Variants in MANBA observed in about 807,000 individuals in gnomAD.
MANBA encodes the protein mannosidase beta.
MANBA carries 83 observed loss-of-function variants against 111.1 expected under a neutral mutation model. The ratio of observed to expected loss-of-function variants is 0.75; its 90% CI spans 0.63 to 0.90. The LOEUF is 0.90. MANBA is among the 40% of genes least tolerant of loss of function. MANBA has a pLI of 0.00. For missense variants in MANBA, 1,036 were observed against 1,069.0 expected (o/e 0.97, Z 0.43); for synonymous variants, 370 against 378.7 (o/e 0.98, Z 0.27).
intron 8 of MANBA, among the ~76,000 whole-genome samples, chr4:102,673,024 C>T (rs1363133528): frequency 6.6e-6 from 1 of 151,878 alleles, no homozygotes; most frequent in Non-Finnish European, 1.5e-5. Flanking sequence ...ATTTTTTTAA[C>T]CTATATTCCT....
chr4:102,720,307 C>T lies in MANBA; in HGVS notation c.549+2564G>A, dbSNP rs186639269. Among the ~76,000 whole-genome samples, 36 of 152,096 alleles carry T rather than the reference C, an allele frequency of 2.4e-4. No homozygotes were observed. The East Asian group carries it at 5.8e-3, about 25-fold the overall frequency. ...AAAATTAGCCGGGCATGGTGGCAGG[C>T]GCCTGTAGTCCTAGCTACTTGGGAG... On this transcript the variant is annotated intron_variant, in intron 4 of 16. Coordinates refer to ENST00000647097, the MANE Select transcript of MANBA (RefSeq NM_005908.4).
chr4:102,657,236 G>GGGGA (rs1730603715), intron 12 of MANBA, among the ~76,000 whole-genome samples: 1 of 94,642 alleles, frequency 1.1e-5, no homozygotes, highest in Non-Finnish European at 2.2e-5. Flanking sequence ...GGGGGGGTGG[G>GGGGA]CGGTGGTAAT....
chr4:102,698,334 TTG>T (rs1172315638), intron 5 of MANBA, among the ~76,000 whole-genome samples: 1 of 151,504 alleles, frequency 6.6e-6, no homozygotes, highest in Admixed American at 6.6e-5. Context: ...GTAGTTTCTT[TTG>T]CTGTGCAGAA....
chr4:102,682,281 T>C (rs1344283664), intron 7 of MANBA, among the ~76,000 whole-genome samples: 4 of 151,714 alleles, frequency 2.6e-5, no homozygotes, highest in Non-Finnish European at 4.4e-5. Flanking sequence ...ACCAAACACA[T>C]AGTTAAAACT....
intron 16 of MANBA, 55 bp from the exon 17 acceptor site, chr4:102,632,336 G>C (rs927265128): frequency 1.0e-4 from 137 of 1,331,982 alleles, no homozygotes; most frequent in Non-Finnish European, 1.0e-4. Flanking sequence ...GAGTTATATA[G>C]TCTGTATACA....
chr4:102,669,003 T>C lies in MANBA; in HGVS notation c.1277A>G (p.Gln426Arg). 1 of 1,613,852 alleles carries C rather than the reference T, an allele frequency of 6.2e-7. No individual in the cohort carries two copies. Among genetic ancestry groups the C allele is most frequent in the Non-Finnish European group, 8.5e-7 (1 of 1,179,870 alleles). Reference sequence around the variant, plus strand: ...TGCTGTCACTGAATCCAGGAAGCCCTGATCAGTTGGATAAAGGGCACAGGC... The same window carrying C: ...TGCTGTCACTGAATCCAGGAAGCCCCGATCAGTTGGATAAAGGGCACAGGC... The part of the protein sequence containing the change: ...MFACALYPTD[Q>R]GFLDSVTAEV... Residue 426 changes from glutamine (Q) to arginine (R), a missense_variant, in exon 10 of 17, where the codon CAG becomes CGG. Gln to Arg is a conservative substitution (Grantham distance 43). Transcript: ENST00000647097.
intron 5 of MANBA, among the ~76,000 whole-genome samples, chr4:102,692,799 A>T (rs1732543168): frequency 1.3e-5 from 2 of 152,054 alleles, no homozygotes; most frequent in Admixed American, 1.3e-4. Context: ...CTAGCTGAGA[A>T]GTATCTTAGA....
chr4:102,718,347 G>A (rs1237628079), intron 4 of MANBA, among the ~76,000 whole-genome samples: 2 of 152,142 alleles, frequency 1.3e-5, no homozygotes, highest in Admixed American at 6.5e-5. Flanking sequence ...CAAGTTGGAC[G>A]GAAGACACAA....
chr4:102,746,836 G>C (rs1723603819), intron 1 of MANBA, among the ~76,000 whole-genome samples: 1 of 152,076 alleles, frequency 6.6e-6, no homozygotes, highest in Non-Finnish European at 1.5e-5. Flanking sequence ...GCTGGGCGTG[G>C]TGGCGGTCGC....
At chr4:102,752,676 T>C (rs548084756) in intron 1 of MANBA, 8 of 517,248 alleles carry the variant, frequency 1.5e-5, no homozygotes, top group Admixed American at 1.5e-4. Flanking sequence ...AGATTCTTTA[T>C]ACAAATGAAC....
In MANBA at chr4:102,674,070, C is replaced by T. The variant is rs145367849; in HGVS notation, c.961G>A (p.Val321Ile). Residue 321 changes from valine (V) to isoleucine (I), a missense_variant and splice_region_variant, in exon 8 of 17, where the codon GTT becomes ATT. Physicochemically the swap from Val to Ile is conservative, Grantham distance 29 (BLOSUM62 3). Transcript: ENST00000647097. ...GGLNIEKSAK[V>I]YFRTVELIEE... ...ATAAGTTCCACTGTCCTAAAATAAA[C>T]CTGCAATGAACAGAATTAAATGATG... 1 of 1,595,274 alleles carries T rather than the reference C, an allele frequency of 6.3e-7. No homozygotes were observed. Among genetic ancestry groups the T allele is most frequent in the African/African-American group, 1.3e-5 (1 of 74,550 alleles).
chr4:102,664,339 T>C (rs1027698642), intron 11 of MANBA, among the ~76,000 whole-genome samples: 1 of 149,438 alleles, frequency 6.7e-6, no homozygotes, highest in East Asian at 2.0e-4. Context: ...CTTATCCACT[T>C]TAAACATACA....
chr4:102,689,610 T>C lies in MANBA; in HGVS notation c.924A>G (p.Glu308=). The C allele has an allele frequency of 6.2e-7, 1 of 1,609,272 alleles. No individual in the cohort carries two copies. The highest frequency in any genetic ancestry group is 8.5e-7 in the Non-Finnish European group (1 of 1,176,376). The change falls in exon 7 of 17, where the codon GAA becomes GAG. Residue 308 remains glutamate, a synonymous_variant. Coordinates refer to ENST00000647097, the MANE Select transcript of MANBA (RefSeq NM_005908.4). ...TTTCAATATTTAAGCCTCCATCCAG[T>C]TCAAAAAGAACAGTCATGTTGTACC... ...QTGYNMTVLF[E]LDGGLNIEKS...
intron 5 of MANBA, among the ~76,000 whole-genome samples, chr4:102,707,321 C>T (rs939179094): frequency 1.3e-5 from 2 of 152,132 alleles, no homozygotes; most frequent in Non-Finnish European, 2.9e-5. Flanking sequence ...CCAAGGATGC[C>T]ATACCCAGCA....
chr4:102,721,509 G>A (rs1351725844), intron 4 of MANBA, among the ~76,000 whole-genome samples: 2 of 152,064 alleles, frequency 1.3e-5, no homozygotes, highest in Non-Finnish European at 2.9e-5. Context: ...GTCAAAAGGT[G>A]GAAGCAACCT....
chr4:102,744,229 G>T (rs1473558389), intron 1 of MANBA, among the ~76,000 whole-genome samples: 1 of 152,148 alleles, frequency 6.6e-6, no homozygotes, highest in Non-Finnish European at 1.5e-5. Flanking sequence ...CACCTTAGAA[G>T]GAATATCTCA....
At position 102,631,553 on chromosome 4, in the gene MANBA, C is replaced by T; in HGVS notation, c.*504G>A. Reference sequence around the variant, plus strand: ...TAATTTCACATGTACAGAAAAATACCCATATACCTTTACCCAAATAGCTAC... The same window carrying T: ...TAATTTCACATGTACAGAAAAATACTCATATACCTTTACCCAAATAGCTAC... On this transcript the variant is annotated 3_prime_UTR_variant, in exon 17 of 17. Transcript: ENST00000647097. The T allele has an allele frequency of 5.0e-6, 2 of 402,740 alleles. No homozygotes were observed. The highest frequency in any genetic ancestry group is 8.7e-6 in the Non-Finnish European group (2 of 229,250). The allele number at this position is 402,740 out of a possible 1,614,324, so 24.9% of individuals were successfully genotyped here.
chr4:102,751,297 C>T (rs986662420), intron 1 of MANBA: 6 of 326,622 alleles, frequency 1.8e-5, no homozygotes, highest in East Asian at 7.4e-5. Context: ...TGCAGCTTCT[C>T]GCTTACCTGT....
chr4:102,642,942 G>A (rs1466408827), intron 13 of MANBA, among the ~76,000 whole-genome samples: 1 of 152,056 alleles, frequency 6.6e-6, no homozygotes, highest in East Asian at 1.9e-4. Flanking sequence ...TTCCAACAAA[G>A]CTGTTTTAAA....
Sources: allele counts gnomAD v4.1 joint callset (sites outside exome capture counted in the v4.1 genomes callset), GRCh38; gene constraint gnomAD v4.1.1; transcripts MANE v1.5; gene names NCBI Gene and HGNC (gene_info 2026-07-23, HGNC 2026-07-21).